The following STAG1 variants were observed in gnomAD, a reference collection of about 807,000 sequenced individuals.
STAG1 encodes cohesin subunit SA-1.
In STAG1, 26 loss-of-function variants were observed where a neutral mutation model predicts 170.9. That is an observed-to-expected ratio of 0.15 (90% CI 0.11 to 0.21). The LOEUF is 0.21. Among genes scored for constraint, STAG1 ranks in the 10% least tolerant of loss-of-function variants. The pLI, the probability that STAG1 is intolerant of heterozygous loss-of-function variation, is 1.00. For missense variants in STAG1, 964 were observed against 1,509.5 expected, an observed-to-expected ratio of 0.64 and a Z score of 5.99; for synonymous variants, 514 against 497.7, an observed-to-expected ratio of 1.03 and a Z score of -0.44.
intron 21 of STAG1, among the ~76,000 whole-genome samples, chr3:136,410,898 T>C (rs1340425832): frequency 6.6e-6 from 1 of 151,924 alleles, no homozygotes; most frequent in Non-Finnish European, 1.5e-5. Context: ...CTCTTGAAAA[T>C]ACAAAAATTA....
At chr3:136,568,943 T>C (rs921048662) in intron 4 of STAG1, 82 bp from the exon 5 acceptor site, 33 of 967,488 alleles carry the variant, frequency 3.4e-5, no homozygotes, top group Non-Finnish European at 5.2e-5. Context: ...GTTTGTGTGT[T>C]TGTGTGTGTT....
At chr3:136,445,647 G>A (rs2088756857) in intron 14 of STAG1, among the ~76,000 whole-genome samples, 1 of 152,104 alleles carries the variant, frequency 6.6e-6, no homozygotes, top group South Asian at 2.1e-4. Flanking sequence ...ATATGCTTTT[G>A]TGCTTGATTA....
At chr3:136,726,119 T>C (rs181128541) in intron 1 of STAG1, among the ~76,000 whole-genome samples, 75 of 152,178 alleles carry the variant, frequency 4.9e-4, no homozygotes, top group Non-Finnish European at 3.2e-4. Flanking sequence ...ATTCACACAA[T>C]AGCAAAAGCA....
chr3:136,691,541 A>G (rs1262771948), intron 1 of STAG1, among the ~76,000 whole-genome samples: 1 of 152,154 alleles, frequency 6.6e-6, no homozygotes, highest in African/African-American at 2.4e-5. Context: ...GTAGAAGTTA[A>G]GCAATCAAAG....
intron 22 of STAG1, among the ~76,000 whole-genome samples, chr3:136,391,513 A>G (rs1218485517): frequency 1.3e-5 from 2 of 151,968 alleles, no homozygotes; most frequent in Non-Finnish European, 2.9e-5. Context: ...AGTAGCTGGG[A>G]CTACAGGCGC....
chr3:136,537,407 G>A (rs1019091229), intron 6 of STAG1, among the ~76,000 whole-genome samples: 1 of 151,972 alleles, frequency 6.6e-6, no homozygotes, highest in South Asian at 2.1e-4. Flanking sequence ...CAGTAGAAAT[G>A]GCATTCCTCA....
At chr3:136,476,217 C>T (rs576115615) in intron 10 of STAG1, among the ~76,000 whole-genome samples, 1 of 152,288 alleles carries the variant, frequency 6.6e-6, no homozygotes, top group East Asian at 1.9e-4. Flanking sequence ...GCTAGTAGCC[C>T]TTGTCTTGAT....
At chr3:136,520,346 T>G (rs1326201558) in intron 7 of STAG1, among the ~76,000 whole-genome samples, 1 of 152,090 alleles carries the variant, frequency 6.6e-6, no homozygotes, top group Non-Finnish European at 1.5e-5. Context: ...CAAAATGAAA[T>G]GTAACTAATG....
chr3:136,709,911 T>C (rs773300009), intron 1 of STAG1, among the ~76,000 whole-genome samples: 2 of 152,032 alleles, frequency 1.3e-5, no homozygotes, highest in African/African-American at 2.4e-5. Flanking sequence ...GGCACACACC[T>C]GTAATCCCAG....
chr3:136,705,206 T>G (rs1468617974), intron 1 of STAG1, among the ~76,000 whole-genome samples: 1 of 151,978 alleles, frequency 6.6e-6, no homozygotes, highest in African/African-American at 2.4e-5. Context: ...AAACCCCATC[T>G]CTACTAAAAA....
chr3:136,389,831 T>C (rs2086960486), intron 22 of STAG1, among the ~76,000 whole-genome samples: 1 of 149,440 alleles, frequency 6.7e-6, no homozygotes, highest in Non-Finnish European at 1.5e-5. Context: ...TATGCTATTT[T>C]TTTTTCTTTT....
chr3:136,597,771 C>T (rs1938493271), intron 4 of STAG1, among the ~76,000 whole-genome samples: 1 of 151,492 alleles, frequency 6.6e-6, no homozygotes, highest in Non-Finnish European at 1.5e-5. Context: ...GCATCTTCAT[C>T]TTCAATTGCT....
intron 7 of STAG1, among the ~76,000 whole-genome samples, chr3:136,505,503 C>T (rs1360274560): frequency 1.3e-5 from 2 of 152,174 alleles, no homozygotes; most frequent in Non-Finnish European, 2.9e-5. Flanking sequence ...TACATATATA[C>T]TATTTCCACC....
rs1216903623 is a variant in STAG1, at chr3:136,396,518, GCCTTTT to G, written c.2277+2225_2277+2230del. On this transcript the variant is annotated intron_variant, in intron 22 of 33. Transcript: ENST00000383202. ...TTACAGGCGTGAGCCACCGCGCCTG[GCCTTTT>G]TTTTTTTTTTTTTTTTTTTTTTGGA... is the stretch of plus-strand genomic sequence containing the variant. Among the ~76,000 whole-genome samples, 4 of 87,178 alleles carry G rather than the reference GCCTTTT, an allele frequency of 4.6e-5. No individual in the cohort carries two copies. The East Asian group carries it at 1.3e-3, about 28-fold the overall frequency. The allele number at this position is 87,178 out of a possible 152,430, so 57.2% of individuals were successfully genotyped here. A position where few individuals can be genotyped will look rare whatever the true frequency, so the allele number is the denominator to read the frequency against.
chr3:136,561,324 C>T (rs542876722), intron 5 of STAG1, among the ~76,000 whole-genome samples: 2 of 152,302 alleles, frequency 1.3e-5, no homozygotes, highest in South Asian at 4.1e-4. Flanking sequence ...TTCCCCACTC[C>T]GTGGTTATAA....
intron 6 of STAG1, among the ~76,000 whole-genome samples, chr3:136,522,013 T>A (rs1030584841): frequency 2.0e-5 from 3 of 152,212 alleles, no homozygotes; most frequent in African/African-American, 4.8e-5. Context: ...GTTCTTGATA[T>A]CACCAGGTTG....
intron 6 of STAG1, among the ~76,000 whole-genome samples, chr3:136,532,794 A>T (rs1935442817): frequency 6.6e-6 from 1 of 152,234 alleles, no homozygotes; most frequent in East Asian, 1.9e-4. Flanking sequence ...ATACATGACA[A>T]ACTCACAGGT....
Position 136,604,365 on chromosome 3 carries a change from C to T in STAG1, c.241G>A (p.Glu81Lys). ...TCAAATAATGTGACAGGCTCCCCTT[C>T]CCCATTCTGTTGAGGGTGTCCATTA... is the stretch of plus-strand genomic sequence containing the variant. ...RANGHPQQNG[E>K]GEPVTLFEVV... Residue 81 changes from glutamate to lysine, a missense_variant, in exon 4 of 34, where the codon GAA becomes AAA. By Grantham distance (56) the Glu-to-Lys change is moderately conservative. Around this residue, in one of 11 missense-constraint regions of STAG1, gnomAD observed 108 missense variants for 120.2 expected, o/e 0.90. Transcript: ENST00000383202. The T allele has an allele frequency of 6.2e-7, 1 of 1,613,738 alleles. No individual in the cohort carries two copies. The highest frequency in any genetic ancestry group is 8.5e-7 in the Non-Finnish European group (1 of 1,179,866).
Position 136,516,287 on chromosome 3 carries a change from C to T in STAG1, c.676+4926G>A, listed in dbSNP as rs117791944. ...ACTTTTAGAGGCCATGGTATGCAAA[C>T]TGCTTGAATTCAGGAGTTCAAGGCC... On this transcript the variant is annotated intron_variant, in intron 7 of 33. Transcript: ENST00000383202. Among the ~76,000 whole-genome samples the T allele has an allele frequency of 7.5e-4, 114 of 152,104 alleles. 1 individual carries two copies. In the South Asian group the frequency reaches 0.023, roughly 30 times the overall value.
Sources: gnomAD v4.1 joint callset for allele counts (sites outside exome capture counted in the v4.1 genomes callset) on GRCh38, gnomAD v4.1.1 for gene constraint, gnomAD v4.1.1 regional missense constraint, MANE v1.5 for transcripts, NCBI Gene and HGNC (gene_info 2026-07-23, HGNC 2026-07-21) for gene names.